The following NFAM1 variants were observed in gnomAD, a reference collection of about 807,000 sequenced individuals.
NFAM1 encodes the protein NFAT activation molecule 1.
Under a neutral mutation model 29.0 loss-of-function variants are expected in NFAM1, and 17 were observed. The observed-to-expected ratio is 0.59, with a 90% CI of 0.40 to 0.88. The LOEUF (loss-of-function observed/expected upper bound fraction) is 0.88. NFAM1 is among the 40% of genes least tolerant of loss of function. The probability of loss-of-function intolerance (pLI) is 0.00; values close to 1 mark genes in which losing one functional copy is unlikely to be tolerated. For synonymous variants in NFAM1, 175 were observed against 147.2 expected (o/e 1.19, Z -1.36); for missense variants, 324 against 344.6 (o/e 0.94, Z 0.47).
intron 1 of NFAM1, among the ~76,000 whole-genome samples, chr22:42,424,738 T>C (rs1930568236): frequency 6.6e-6 from 1 of 151,822 alleles, no homozygotes; most frequent in East Asian, 1.9e-4. Context: ...ATGATTTGTG[T>C]CTGGGAGGGG....
chr22:42,433,164 C>A (rs1930860831), upstream of NFAM1, among the ~76,000 whole-genome samples: 1 of 152,216 alleles, frequency 6.6e-6, no homozygotes. Flanking sequence ...GACCCCCTTC[C>A]CCAGCAGACT....
chr22:42,384,716 C>T lies in NFAM1; in HGVS notation c.*445G>A, dbSNP rs570322684. On this transcript the variant is annotated 3_prime_UTR_variant, in exon 6 of 6. Coordinates refer to ENST00000329021, the MANE Select transcript of NFAM1 (RefSeq NM_145912.8). Reference sequence around the variant, plus strand: ...GCTGCTCCCCAGCTCCTCCATACCTCGGCTCCCCACACAGCACTGCTAGGC... The same window carrying T: ...GCTGCTCCCCAGCTCCTCCATACCTTGGCTCCCCACACAGCACTGCTAGGC... The T allele has an allele frequency of 2.2e-5, 4 of 182,736 alleles. No individual in the cohort carries two copies. The highest frequency in any genetic ancestry group is 1.1e-4 in the South Asian group (1 of 8,966). 11.3% of individuals were successfully genotyped at this position (182,736 alleles called of 1,614,324 possible). A position where few individuals can be genotyped will look rare whatever the true frequency, so the allele number is the denominator to read the frequency against.
chr22:42,417,338 C>T (rs908134994), intron 1 of NFAM1, among the ~76,000 whole-genome samples: 2 of 152,148 alleles, frequency 1.3e-5, no homozygotes, highest in African/African-American at 4.8e-5. Context: ...GAGAAATCCC[C>T]CAGCACCAAG....
In NFAM1 at chr22:42,397,913, G is replaced by A. The variant is rs762051697; in HGVS notation, c.608C>T (p.Pro203Leu). ...GPGKDPTRKC[P>L]DPRSASSPKQ... ...GGGGCTGCTGGCAGATCTTGGATCT[G>A]GGCACTTCCTGGTGGGGTCCTTCCC... Residue 203 changes from proline to leucine, a missense_variant, in exon 4 of 6, where the codon CCA becomes CTA. Pro to Leu is a moderately conservative substitution (Grantham distance 98). Transcript: ENST00000329021. 1.5e-5 allele frequency: 24 copies of A among 1,612,416 alleles called. No individual in the cohort carries two copies. The highest frequency in any genetic ancestry group is 1.9e-5 in the Non-Finnish European group (22 of 1,179,066).
At chr22:42,411,863 C>T (rs996489771) in intron 1 of NFAM1, 127 bp from the exon 2 acceptor site, 7 of 654,138 alleles carry the variant, frequency 1.1e-5, no homozygotes, top group East Asian at 2.7e-5. Context: ...TTTGGGAGGC[C>T]GAGGCAGGCG....
At chr22:42,406,215 G>T (rs547230912) in intron 3 of NFAM1, among the ~76,000 whole-genome samples, 2 of 133,546 alleles carry the variant, frequency 1.5e-5, no homozygotes, top group Non-Finnish European at 3.3e-5. Context: ...AACCACTTGC[G>T]CGAGTCCCTT....
At chr22:42,389,069 G>A (rs967844815) in intron 4 of NFAM1, among the ~76,000 whole-genome samples, 2 of 152,192 alleles carry the variant, frequency 1.3e-5, no homozygotes, top group Non-Finnish European at 2.9e-5. Context: ...AGATCTGACA[G>A]TCTCTCTGAG....
At chr22:42,389,409 C>A (rs971845547) in intron 4 of NFAM1, among the ~76,000 whole-genome samples, 2 of 152,206 alleles carry the variant, frequency 1.3e-5, no homozygotes, top group Non-Finnish European at 2.9e-5. Flanking sequence ...GAGGCCTTGA[C>A]AAGTCCTGAC....
At chr22:42,429,304 G>C (rs745468945) in intron 1 of NFAM1, among the ~76,000 whole-genome samples, 37 of 152,218 alleles carry the variant, frequency 2.4e-4, no homozygotes, top group Non-Finnish European at 4.6e-4. Flanking sequence ...CAGGGTGCCT[G>C]GGCAAGTAGC....
chr22:42,397,954 C>T lies in NFAM1; in HGVS notation c.567G>A (p.Lys189=), dbSNP rs141047747. ...VGTALLLWNK[K]RMRGPGKDPT... ...GGTCCTTCCCTGGACCCCGCATCCG[C>T]TTCTGTAGGGAGAAAGGAGTCAGGG... Residue 189 remains lysine (K), a splice_region_variant and synonymous_variant, in exon 4 of 6, where the codon AAG becomes AAA. Transcript: ENST00000329021. 4.4e-6 allele frequency: 7 copies of T among 1,581,380 alleles called. No homozygotes were observed. The African/African-American group carries it at 9.5e-5, about 21-fold the overall frequency.
intron 4 of NFAM1, among the ~76,000 whole-genome samples, chr22:42,397,027 T>C (rs1929552011): frequency 6.7e-6 from 1 of 150,186 alleles, no homozygotes; most frequent in Non-Finnish European, 1.5e-5. Context: ...GGAGCCCACC[T>C]GGCGGTGCCA....
chr22:42,386,133 G>C (rs1297546216), intron 5 of NFAM1, among the ~76,000 whole-genome samples: 1 of 152,116 alleles, frequency 6.6e-6, no homozygotes, highest in Non-Finnish European at 1.5e-5. Flanking sequence ...CCAGCACTTT[G>C]GGAGGCTGAG....
chr22:42,398,386 TTATTATTATTATTA>T (rs1489355866), intron 3 of NFAM1, among the ~76,000 whole-genome samples: 11,258 of 94,840 alleles, frequency 0.12, 786 homozygotes, highest in Admixed American at 0.3. Context: ...GTTTTATTTA[TTATTATTATTATTA>T]TTATTATTAT....
At chr22:42,404,106 C>G (rs116744578) in intron 3 of NFAM1, among the ~76,000 whole-genome samples, 265 of 152,250 alleles carry the variant, frequency 1.7e-3, no homozygotes, top group African/African-American at 6.1e-3. Context: ...CAGTTCTTAC[C>G]ACCCTCCAGC....
intron 4 of NFAM1, among the ~76,000 whole-genome samples, chr22:42,389,318 G>A (rs535838923): frequency 1.3e-5 from 2 of 152,260 alleles, no homozygotes; most frequent in Non-Finnish European, 2.9e-5. Context: ...GGGCGGTGGT[G>A]CAGTGGGCAG....
chr22:42,402,465 G>A (rs1027977566), intron 3 of NFAM1, among the ~76,000 whole-genome samples: 6 of 152,300 alleles, frequency 3.9e-5, no homozygotes, highest in African/African-American at 9.6e-5. Context: ...CACAGAGCGC[G>A]GAAGGGCTCG....
At chr22:42,432,593 C>A (rs1376387710), upstream of NFAM1, among the ~76,000 whole-genome samples, 2 of 152,198 alleles carry the variant, frequency 1.3e-5, no homozygotes, top group Non-Finnish European at 2.9e-5. Flanking sequence ...AGCCTCCCCA[C>A]TCCAACCCCT....
intron 1 of NFAM1, among the ~76,000 whole-genome samples, chr22:42,430,825 G>A (rs981050159): frequency 6.6e-6 from 1 of 152,052 alleles, no homozygotes; most frequent in African/African-American, 2.4e-5. Context: ...TGGGGAGGAG[G>A]AACCACACAA....
chr22:42,430,896 G>A (rs1930775481), intron 1 of NFAM1, among the ~76,000 whole-genome samples: 1 of 152,200 alleles, frequency 6.6e-6, no homozygotes, highest in Non-Finnish European at 1.5e-5. Context: ...GAGACACATT[G>A]ACACTAACAG....
Sources: gnomAD v4.1 joint callset for allele counts (sites outside exome capture counted in the v4.1 genomes callset) on GRCh38, gnomAD v4.1.1 for gene constraint, MANE v1.5 for transcripts, NCBI Gene and HGNC (gene_info 2026-07-23, HGNC 2026-07-21) for gene names.